The following MYBL1 variants were observed in gnomAD, a reference collection of about 807,000 sequenced individuals.
MYBL1 encodes the protein MYB proto-oncogene like 1.
A neutral mutation model predicts 96.3 loss-of-function variants in MYBL1; 17 were observed. The ratio of observed to expected loss-of-function variants is 0.18; its 90% CI spans 0.12 to 0.26. The LOEUF (loss-of-function observed/expected upper bound fraction) is 0.26, where lower values mean the gene tolerates loss of function less well. Among genes scored for constraint, MYBL1 ranks in the 10% least tolerant of loss-of-function variants. The pLI is 1.00. For synonymous variants in MYBL1, 282 were observed against 292.7 expected (o/e 0.96, Z 0.37); for missense variants, 701 against 882.9 (o/e 0.79, Z 2.61).
In MYBL1 at chr8:66,576,349, G is replaced by A. The variant is rs748415689; in HGVS notation, c.1128C>T (p.Thr376=). Residue 376 remains threonine (T), a synonymous_variant, in exon 10 of 16, where the codon ACC becomes ACT. Coordinates refer to ENST00000522677, the MANE Select transcript of MYBL1 (RefSeq NM_001080416.4). Reference sequence around the variant, plus strand: ...CAGCAGCATCAGAAATATCAAAACTGGTAACGTCACTCCATGCTACAGGAT... The same window carrying A: ...CAGCAGCATCAGAAATATCAAAACTAGTAACGTCACTCCATGCTACAGGAT... ...ESDPVAWSDV[T]SFDISDAAAS... 5 of 1,613,036 alleles carry A rather than the reference G, an allele frequency of 3.1e-6. No homozygotes were observed. The highest frequency in any genetic ancestry group is 4.2e-6 in the Non-Finnish European group (5 of 1,179,612).
intron 9 of MYBL1, among the ~76,000 whole-genome samples, chr8:66,579,612 G>A (rs954645902): frequency 4.0e-5 from 6 of 151,062 alleles, no homozygotes; most frequent in African/African-American, 1.5e-4. Flanking sequence ...AACTGAGATT[G>A]CACCACTACA....
intron 8 of MYBL1, among the ~76,000 whole-genome samples, chr8:66,588,497 C>G (rs989748405): frequency 3.3e-5 from 5 of 151,976 alleles, no homozygotes; most frequent in Non-Finnish European, 7.4e-5. Context: ...CCAGGCTGGT[C>G]TCGAACTCCT....
At position 66,564,054 on chromosome 8, in the gene MYBL1, CTGAGAT is replaced by C. The variant is rs1466115919; in HGVS notation, c.*637_*642del. 3.3e-5 allele frequency: 5 copies of C among 152,314 alleles called. No homozygotes were observed. Among genetic ancestry groups the C allele is most frequent in the African/African-American group, 1.2e-4 (5 of 41,410 alleles). The allele number at this position is 152,314 out of a possible 1,614,324, so 9.4% of individuals were successfully genotyped here. On this transcript the variant is annotated 3_prime_UTR_variant, in exon 16 of 16. Transcript: ENST00000522677. ...ACATTCAACAAAACTCTCAGCTCCT[CTGAGAT>C]TAAGAAAATACTATTTACTAATAAA...
intron 12 of MYBL1, among the ~76,000 whole-genome samples, chr8:66,569,629 G>A (rs1196032305): frequency 6.6e-6 from 1 of 152,102 alleles, no homozygotes; most frequent in Admixed American, 6.6e-5. Flanking sequence ...GGAATTACAG[G>A]TATGAGCCAC....
intron 8 of MYBL1, among the ~76,000 whole-genome samples, chr8:66,583,064 C>T (rs1019885689): frequency 6.6e-6 from 1 of 152,148 alleles, no homozygotes; most frequent in African/African-American, 2.4e-5. Flanking sequence ...TTTTCATCAG[C>T]ACATTCTTCA....
chr8:66,564,288 C>T lies in MYBL1; in HGVS notation c.*409G>A, dbSNP rs1808418726. ...AATCAGCACATGGGCAAAAGTACTT[C>T]ATAAAATCATGTGTGCTTTCCATAC... On this transcript the variant is annotated 3_prime_UTR_variant, in exon 16 of 16. Transcript: ENST00000522677. 6.6e-6 allele frequency: 1 copy of T among 152,542 alleles called. No individual in the cohort carries two copies. Among genetic ancestry groups the T allele is most frequent in the Non-Finnish European group, 1.5e-5 (1 of 68,058 alleles). The allele number at this position is 152,542 out of a possible 1,614,324, so 9.4% of individuals were successfully genotyped here.
chr8:66,576,480 A>G (rs999946396), intron 9 of MYBL1, 105 bp from the exon 10 acceptor site: 4 of 1,308,478 alleles, frequency 3.1e-6, no homozygotes, highest in Non-Finnish European at 4.2e-6. Context: ...AACTCATTTT[A>G]TCAGTAAAAA....
Position 66,595,770 on chromosome 8 carries a change from A to G in MYBL1, c.513-13T>C. ...AGAATTATCAGTCCTAAGAAAGGAA[A>G]GGTATGATTTAAAAAGAAAAAAGGA... is the stretch of plus-strand genomic sequence containing the variant. On this transcript the variant is annotated splice_polypyrimidine_tract_variant and intron_variant, in intron 5 of 15. Transcript: ENST00000522677. 6.8e-7 allele frequency: 1 copy of G among 1,479,964 alleles called. No individual in the cohort carries two copies. Among genetic ancestry groups the G allele is most frequent in the Non-Finnish European group, 9.0e-7 (1 of 1,108,618 alleles). 91.7% of individuals were successfully genotyped at this position (1,479,964 alleles called of 1,614,324 possible).
intron 9 of MYBL1, among the ~76,000 whole-genome samples, chr8:66,578,157 G>A (rs1156456216): frequency 6.6e-6 from 1 of 151,864 alleles, no homozygotes; most frequent in Non-Finnish European, 1.5e-5. Flanking sequence ...TACCATTCAG[G>A]ACATAGGCAT....
At chr8:66,600,943 G>A (rs1206640593) in intron 3 of MYBL1, among the ~76,000 whole-genome samples, 4 of 152,010 alleles carry the variant, frequency 2.6e-5, no homozygotes, top group Middle Eastern at 3.2e-3. Flanking sequence ...GGCCGAGGCA[G>A]TTAGATCACC....
chr8:66,571,058 A>G (rs1373439784), intron 12 of MYBL1, among the ~76,000 whole-genome samples: 1 of 152,230 alleles, frequency 6.6e-6, no homozygotes, highest in East Asian at 1.9e-4. Context: ...CAAGTAAACT[A>G]GAATTTGTTA....
chr8:66,610,565 T>C (rs1810489090), intron 1 of MYBL1, among the ~76,000 whole-genome samples: 1 of 152,134 alleles, frequency 6.6e-6, no homozygotes, highest in Admixed American at 6.5e-5. Flanking sequence ...ACTGAATTAT[T>C]TCTTTTCCCT....
intron 1 of MYBL1, among the ~76,000 whole-genome samples, chr8:66,609,498 G>A (rs780288756): frequency 2.6e-5 from 4 of 151,880 alleles, no homozygotes; most frequent in Non-Finnish European, 5.9e-5. Flanking sequence ...AATTTACCAG[G>A]TTGATTTAAT....
chr8:66,601,875 G>T, intron 2 of MYBL1, 106 bp from the exon 3 acceptor site: 1 of 511,050 alleles, frequency 2.0e-6, no homozygotes, highest in Non-Finnish European at 3.5e-6. Flanking sequence ...GGTAACCATA[G>T]AATAACTAAA....
chr8:66,608,938 C>G (rs1810424357), intron 1 of MYBL1, among the ~76,000 whole-genome samples: 1 of 152,030 alleles, frequency 6.6e-6, no homozygotes, highest in Non-Finnish European at 1.5e-5. Flanking sequence ...GCCAGTTTAC[C>G]TAAGTCAAAG....
chr8:66,576,354 C>T lies in MYBL1; in HGVS notation c.1123G>A (p.Val375Ile), dbSNP rs1057435278. 6.2e-6 allele frequency: 10 copies of T among 1,612,722 alleles called. No homozygotes were observed. Among genetic ancestry groups the T allele is most frequent in the African/African-American group, 2.7e-5 (2 of 74,786 alleles). The change falls in exon 10 of 16, where the codon GTT becomes ATT. Residue 375 changes from valine (V) to isoleucine (I), a missense_variant. Around this residue, in one of 5 missense-constraint regions of MYBL1, gnomAD observed 396 missense variants for 407.4 expected, o/e 0.97. Coordinates refer to ENST00000522677, the MANE Select transcript of MYBL1 (RefSeq NM_001080416.4). The part of the protein sequence containing the change: ...IESDPVAWSD[V>I]TSFDISDAAA... ...GCATCAGAAATATCAAAACTGGTAA[C>T]GTCACTCCATGCTACAGGATCCTGC...
chr8:66,580,737 T>C (rs1297382449), intron 8 of MYBL1, among the ~76,000 whole-genome samples: 3 of 152,158 alleles, frequency 2.0e-5, no homozygotes, highest in Non-Finnish European at 4.4e-5. Flanking sequence ...TACCCAACTA[T>C]AGCACTTGCA....
intron 12 of MYBL1, 150 bp from the exon 13 acceptor site, chr8:66,567,142 G>C (rs1808537160): frequency 8.7e-6 from 5 of 576,992 alleles, no homozygotes; most frequent in Admixed American, 3.1e-5. Flanking sequence ...AATTCATGTT[G>C]TGGCAAAACA....
intron 11 of MYBL1, among the ~76,000 whole-genome samples, 180 bp from the exon 12 acceptor site, chr8:66,572,776 T>C (rs1808785379): frequency 6.6e-6 from 1 of 152,068 alleles, no homozygotes; most frequent in South Asian, 2.1e-4. Context: ...CAATCAATCA[T>C]CTTAAAATAG....
Sources: allele counts gnomAD v4.1 joint callset (sites outside exome capture counted in the v4.1 genomes callset), GRCh38; gene constraint gnomAD v4.1.1; regional missense constraint gnomAD v4.1.1; transcripts MANE v1.5; gene names NCBI Gene and HGNC (gene_info 2026-07-23, HGNC 2026-07-21).